Variants in THADA observed in about 807,000 individuals in gnomAD.
The protein encoded by THADA is tRNA (32-2'-O)-methyltransferase regulator THADA.
THADA carries 213 observed loss-of-function variants against 219.8 expected under a neutral mutation model. That is an observed-to-expected ratio of 0.97 (90% CI 0.87 to 1.09). THADA has a LOEUF of 1.09. Ranked by LOEUF, THADA falls within the 50% of genes least tolerant of loss-of-function variation. THADA has a pLI of 0.00. For synonymous variants in THADA, 1,018 were observed against 828.9 expected, an observed-to-expected ratio of 1.23 and a Z score of -3.92; for missense variants, 2,956 against 2,311.3, an observed-to-expected ratio of 1.28 and a Z score of -5.72.
chr2:43,470,162 C>T (rs944510913), intron 26 of THADA, among the ~76,000 whole-genome samples: 4 of 148,184 alleles, frequency 2.7e-5, no homozygotes, highest in South Asian at 2.1e-4. Context: ...GGGCTGAGAT[C>T]GCCCCACTGC....
chr2:43,541,454 G>T lies in THADA; in HGVS notation c.3107-138C>A, dbSNP rs532112414. On this transcript the variant is annotated intron_variant, in intron 20 of 37. Coordinates refer to ENST00000405975, the MANE Select transcript of THADA (RefSeq NM_022065.5). Reference sequence around the variant, plus strand: ...TTGTCATGTTATATTTACTCAGAAGGAAAGAAGCTAACATTTGTCGAGCAT... The same window carrying T: ...TTGTCATGTTATATTTACTCAGAAGTAAAGAAGCTAACATTTGTCGAGCAT... The T allele has an allele frequency of 5.0e-6, 5 of 994,216 alleles. No homozygotes were observed. The South Asian group carries it at 6.2e-5, about 12-fold the overall frequency. The allele number at this position is 994,216 out of a possible 1,614,324, so 61.6% of individuals were successfully genotyped here. A position where few individuals can be genotyped will look rare whatever the true frequency, so the allele number is the denominator to read the frequency against.
At chr2:43,392,278 T>C (rs144616378) in intron 29 of THADA, among the ~76,000 whole-genome samples, 1 of 152,342 alleles carries the variant, frequency 6.6e-6, no homozygotes, top group East Asian at 1.9e-4. Context: ...AATTCTTTTA[T>C]ATTTAATCAC....
intron 20 of THADA, among the ~76,000 whole-genome samples, chr2:43,544,803 C>T (rs919012506): frequency 5.9e-5 from 9 of 151,446 alleles, no homozygotes; most frequent in African/African-American, 2.2e-4. Flanking sequence ...TCTAGATATA[C>T]AATCATGTCA....
At chr2:43,320,242 T>C (rs148656826) in intron 31 of THADA, among the ~76,000 whole-genome samples, 116 of 152,278 alleles carry the variant, frequency 7.6e-4, no homozygotes, top group African/African-American at 2.7e-3. Flanking sequence ...AACTAGAAAA[T>C]AAACGGCAAA....
chr2:43,413,635 T>A (rs1676577323), intron 28 of THADA, among the ~76,000 whole-genome samples: 1 of 152,170 alleles, frequency 6.6e-6, no homozygotes, highest in Non-Finnish European at 1.5e-5. Flanking sequence ...TTTGGTTCAT[T>A]TGTAGAAAGA....
rs556260461 is a variant in THADA at position 43,275,795 on chromosome 2, TCA to T, written c.5296+3968_5296+3969del. On this transcript the variant is annotated intron_variant, in intron 36 of 37. Coordinates refer to ENST00000405975, the MANE Select transcript of THADA (RefSeq NM_022065.5). ...AAGGCAGCTTCACAAATTTGTACCTTCATGGGTTCCTCTCCTGCTGCTCTCAT... is the reference window on the plus strand; with the variant it reads ...AAGGCAGCTTCACAAATTTGTACCTTTGGGTTCCTCTCCTGCTGCTCTCAT... Among the ~76,000 whole-genome samples the T allele has an allele frequency of 8.0e-4, 122 of 152,356 alleles. 2 individuals carry two copies. The highest frequency in any genetic ancestry group is 4.9e-4 in the Non-Finnish European group (33 of 68,034).
At chr2:43,298,034 C>T in intron 31 of THADA, among the ~76,000 whole-genome samples, 1 of 114,530 alleles carries the variant, frequency 8.7e-6, no homozygotes, top group Non-Finnish European at 1.7e-5. Flanking sequence ...GCCAGCCGCC[C>T]CGGCCGCCCC....
intron 26 of THADA, among the ~76,000 whole-genome samples, 179 bp from the exon 27 acceptor site, chr2:43,430,481 T>G (rs1251962416): frequency 6.6e-6 from 1 of 152,226 alleles, no homozygotes; most frequent in Non-Finnish European, 1.5e-5. Flanking sequence ...TAATTCTGAT[T>G]TCTGAAGTGC....
intron 16 of THADA, among the ~76,000 whole-genome samples, chr2:43,558,202 G>C (rs536124780): frequency 1.6e-4 from 25 of 152,166 alleles, no homozygotes; most frequent in Non-Finnish European, 2.9e-4. Context: ...AGGTGAGTAG[G>C]ATAGTCAAGC....
intron 13 of THADA, among the ~76,000 whole-genome samples, chr2:43,570,785 T>C (rs1425961046): frequency 2.6e-5 from 4 of 152,210 alleles, no homozygotes; most frequent in Admixed American, 1.3e-4. Context: ...ACTTTACCAA[T>C]TCTTCACCCC....
At chr2:43,312,895 G>T (rs1677671550) in intron 31 of THADA, among the ~76,000 whole-genome samples, 1 of 152,064 alleles carries the variant, frequency 6.6e-6, no homozygotes, top group Non-Finnish European at 1.5e-5. Flanking sequence ...CTGATAAAGT[G>T]CATGACCGAG....
chr2:43,577,031 A>C lies in THADA; in HGVS notation c.1028T>G (p.Leu343Trp). Residue 343 changes from leucine (L) to tryptophan (W), a missense_variant, in exon 10 of 38, where the codon TTG becomes TGG. By Grantham distance (61) the Leu-to-Trp change is moderately conservative (BLOSUM62 -2). Transcript: ENST00000405975. ...LLDTAHVLFT[L>W]SSQIKEPTLE... is the part of the protein sequence containing the mutation. ...TAGCATCAAAACTCACTGTGAACTC[A>C]AGGTGAACAAAACATGTGCAGTATC... 6.2e-7 allele frequency: 1 copy of C among 1,612,560 alleles called. No individual in the cohort carries two copies.
chr2:43,569,726 G>GTT (rs1558991179), intron 14 of THADA, among the ~76,000 whole-genome samples: 1 of 151,764 alleles, frequency 6.6e-6, no homozygotes, highest in African/African-American at 2.4e-5. Context: ...AAATAGGTAA[G>GTT]CTGTCTTCTG....
At chr2:43,321,999 T>C (rs1678767523) in intron 30 of THADA, among the ~76,000 whole-genome samples, 1 of 152,192 alleles carries the variant, frequency 6.6e-6, no homozygotes. Flanking sequence ...ATTGCCTATA[T>C]CTGGAGCTGG....
In THADA at chr2:43,387,188, A is replaced by C. The variant is rs959481451; in HGVS notation, c.4227+10783T>G. The stretch of plus-strand genomic sequence containing the variant: ...GTGTTTCAAGTAAAGAAGTGAGAAA[A>C]TTTTAATTATGTGTCATTTTCCGAA... On this transcript the variant is annotated intron_variant, in intron 29 of 37. Coordinates refer to ENST00000405975, the MANE Select transcript of THADA (RefSeq NM_022065.5). Among the ~76,000 whole-genome samples, 6 of 152,268 alleles carry C rather than the reference A, an allele frequency of 3.9e-5. No individual in the cohort carries two copies. In the South Asian group the frequency reaches 1.2e-3, roughly 32 times the overall value.
At chr2:43,515,378 ATAATATT>A (rs1691590661) in intron 22 of THADA, among the ~76,000 whole-genome samples, 4 of 86,052 alleles carry the variant, frequency 4.6e-5, no homozygotes, top group Admixed American at 1.9e-4. Context: ...TATATAATAT[ATAATATT>A]TTATATATAA....
intron 36 of THADA, among the ~76,000 whole-genome samples, chr2:43,248,052 CA>C (rs1450567598): frequency 7.5e-6 from 1 of 132,708 alleles, no homozygotes; most frequent in Non-Finnish European, 1.7e-5. Context: ...TAAAGCAAAA[CA>C]AAACAAACAA....
chr2:43,344,262 C>G (rs1269177327), intron 29 of THADA, 25 bp from the exon 30 acceptor site: 1 of 1,492,014 alleles, frequency 6.7e-7, no homozygotes, highest in South Asian at 1.2e-5. Context: ...AAAAAAAAAT[C>G]CTGCTGTGAA....
At chr2:43,483,501 A>G (rs1686500446) in intron 26 of THADA, among the ~76,000 whole-genome samples, 1 of 152,178 alleles carries the variant, frequency 6.6e-6, no homozygotes, top group Non-Finnish European at 1.5e-5. Context: ...CGATCTTCAG[A>G]TTACTAAAAT....
Sources: allele counts gnomAD v4.1 joint callset (sites outside exome capture counted in the v4.1 genomes callset), GRCh38; gene constraint gnomAD v4.1.1; transcripts MANE v1.5; gene names NCBI Gene and HGNC (gene_info 2026-07-23, HGNC 2026-07-21).